The following LSG1 variants were observed in gnomAD, a reference collection of about 807,000 sequenced individuals.
The protein encoded by LSG1 is large subunit GTPase 1 homolog.
LSG1 carries 55 observed loss-of-function variants against 82.6 expected under a neutral mutation model. The ratio of observed to expected loss-of-function variants is 0.67; its 90% CI spans 0.54 to 0.83. LSG1 has a LOEUF of 0.83. LSG1 is among the 40% of genes least tolerant of loss of function. The pLI, the probability that LSG1 is intolerant of heterozygous loss-of-function variation, is 0.00. For synonymous variants in LSG1, 272 were observed against 282.5 expected (o/e 0.96, Z 0.37); for missense variants, 809 against 807.9 (o/e 1.00, Z -0.02).
intron 13 of LSG1, among the ~76,000 whole-genome samples, chr3:194,643,972 C>T (rs1718453004): frequency 6.6e-6 from 1 of 152,124 alleles, no homozygotes; most frequent in Admixed American, 6.5e-5. Flanking sequence ...TGATTCCAGT[C>T]ACGTGAAGTC....
chr3:194,652,552 C>T (rs1718696485), intron 8 of LSG1, among the ~76,000 whole-genome samples, 177 bp downstream of exon 8: 2 of 152,182 alleles, frequency 1.3e-5, no homozygotes, highest in Admixed American at 6.5e-5. Flanking sequence ...AAGTTGATTC[C>T]TTTGAGTTGG....
intron 13 of LSG1, among the ~76,000 whole-genome samples, chr3:194,642,966 T>C (rs2108613719): frequency 6.6e-6 from 1 of 152,370 alleles, no homozygotes; most frequent in African/African-American, 2.4e-5. Flanking sequence ...CCTCAAGGAA[T>C]AATACTTGCT....
intron 7 of LSG1, among the ~76,000 whole-genome samples, chr3:194,655,484 T>G (rs993568725): frequency 2.6e-5 from 4 of 152,178 alleles, no homozygotes; most frequent in African/African-American, 9.7e-5. Flanking sequence ...GGCAAACTAT[T>G]CTTCTGCCTA....
intron 11 of LSG1, 137 bp from the exon 12 acceptor site, chr3:194,646,380 ATTG>A (rs1402430053): frequency 3.7e-5 from 22 of 596,860 alleles, no homozygotes; most frequent in Admixed American, 1.8e-4. Flanking sequence ...TAGAATATAT[ATTG>A]TTTAGCATTA....
At chr3:194,650,677 C>A in intron 10 of LSG1, 1 of 449,140 alleles carries the variant, frequency 2.2e-6, no homozygotes, top group Non-Finnish European at 3.8e-6. Flanking sequence ...AACCTGGATT[C>A]TCCCATTTCT....
chr3:194,666,362 A>C lies in LSG1; in HGVS notation c.348-73T>G, dbSNP rs901051713. The C allele has an allele frequency of 5.0e-6, 8 of 1,599,006 alleles. No homozygotes were observed. In the Admixed American group the frequency reaches 1.2e-4, roughly 24 times the overall value. On this transcript the variant is annotated intron_variant, in intron 3 of 13. Transcript: ENST00000265245. ...ATAAAATAGGTAATTTGGATCTAAT[A>C]ATGGCAGCTGAGAAAAAGAAGCAAT...
intron 1 of LSG1, 89 bp downstream of exon 1, chr3:194,671,975 C>A: frequency 8.1e-7 from 1 of 1,228,656 alleles, no homozygotes; most frequent in Non-Finnish European, 1.2e-6. Flanking sequence ...AGGCGTCCCT[C>A]CTGCAAAACT....
At chr3:194,646,524 A>G in intron 11 of LSG1, 1 of 243,644 alleles carries the variant, frequency 4.1e-6, no homozygotes, top group Non-Finnish European at 8.0e-6. Flanking sequence ...TTTTATTTTT[A>G]TTTTATTTTT....
chr3:194,651,205 AG>A lies in LSG1; in HGVS notation c.1184del (p.Pro395LeufsTer48), dbSNP rs1430150808. ...GQLTVGLVGY[P>X]NVGKSSTINT... ...TGATTGTTGAACTCTTACCAACATT[AG>A]GGTAGCCCACCTAGAAGAGACTCAG... is the stretch of plus-strand genomic sequence containing the variant. On this transcript the variant is annotated frameshift_variant, in exon 9 of 14. Coordinates refer to ENST00000265245, the MANE Select transcript of LSG1 (RefSeq NM_018385.3). LOFTEE classifies it high-confidence loss of function. 4.3e-6 allele frequency: 7 copies of A among 1,613,400 alleles called. No homozygotes were observed. Among genetic ancestry groups the A allele is most frequent in the Non-Finnish European group, 5.1e-6 (6 of 1,179,400 alleles).
rs761071246 is a variant in LSG1, at chr3:194,646,253, GAA to G, written c.1544-12_1544-11del. The stretch of plus-strand genomic sequence containing the variant: ...ATGAATCCTCGCATGTCTGTGGAGA[GAA>G]AAGAATTTTGCAAAATCTTAGATGA... On this transcript the variant is annotated splice_polypyrimidine_tract_variant and intron_variant, in intron 11 of 13. Transcript: ENST00000265245. 12 of 1,612,540 alleles carry G rather than the reference GAA, an allele frequency of 7.4e-6. No individual in the cohort carries two copies. The African/African-American group carries it at 1.5e-4, about 20-fold the overall frequency.
At chr3:194,650,117 G>A (rs990543539) in intron 10 of LSG1, among the ~76,000 whole-genome samples, 8 of 151,972 alleles carry the variant, frequency 5.3e-5, no homozygotes, top group Admixed American at 1.3e-4. Flanking sequence ...ACAGGGTTTC[G>A]CCATGTTGGC....
At chr3:194,664,376 C>A (rs1265909865) in intron 5 of LSG1, among the ~76,000 whole-genome samples, 1 of 152,104 alleles carries the variant, frequency 6.6e-6, no homozygotes, top group Non-Finnish European at 1.5e-5. Flanking sequence ...AAAAAACCAG[C>A]CTGAAGGGTC....
intron 8 of LSG1, chr3:194,651,452 T>C: frequency 1.9e-6 from 1 of 515,794 alleles, no homozygotes; most frequent in Non-Finnish European, 3.5e-6. Flanking sequence ...ATTATATGTT[T>C]TGCTGTTAAC....
At chr3:194,645,551 C>CACAG (rs1560219737) in intron 12 of LSG1, 1 of 48,716 alleles carries the variant, frequency 2.1e-5, no homozygotes, top group African/African-American at 6.8e-5. Context: ...CACACACACA[C>CACAG]ACACACACAC....
intron 10 of LSG1, chr3:194,650,652 G>C (rs1035250057): frequency 5.0e-5 from 21 of 421,198 alleles, no homozygotes; most frequent in African/African-American, 3.4e-4. Flanking sequence ...TTGCAACTTG[G>C]AACTGAGTAT....
chr3:194,661,459 A>G (rs1718925501), intron 5 of LSG1, among the ~76,000 whole-genome samples: 1 of 152,230 alleles, frequency 6.6e-6, no homozygotes, highest in Non-Finnish European at 1.5e-5. Flanking sequence ...TCATGTGCTG[A>G]GTGAGGATGC....
chr3:194,650,831 G>A, intron 10 of LSG1, 50 bp downstream of exon 10: 1 of 1,546,804 alleles, frequency 6.5e-7, no homozygotes, highest in African/African-American at 1.4e-5. Context: ...TAAACCTGAA[G>A]CCCTAATATG....
At position 194,642,075 on chromosome 3, in the gene LSG1, T is replaced by G; in HGVS notation, c.1970A>C (p.Asp657Ala). 1 of 1,612,310 alleles carries G rather than the reference T, an allele frequency of 6.2e-7. No individual in the cohort carries two copies. The highest frequency in any genetic ancestry group is 1.1e-5 in the South Asian group (1 of 91,008). Residue 657 changes from aspartate (D) to alanine (A), a missense_variant, in exon 14 of 14, where the codon GAT (aspartate) becomes GCT (alanine). Coordinates refer to ENST00000265245, the MANE Select transcript of LSG1 (RefSeq NM_018385.3). ...EKSRRLYKHL[D>A]M ...TTCTGTTGCAGCCCAACCTCACATA[T>G]CCAGGTGCTTGTAGAGTCTACGACT...
intron 7 of LSG1, among the ~76,000 whole-genome samples, chr3:194,657,119 G>C (rs2108618869): frequency 6.6e-6 from 1 of 151,082 alleles, no homozygotes; most frequent in Non-Finnish European, 1.5e-5. Context: ...TGCACATTGT[G>C]CACATGTACC....
Sources: gnomAD v4.1 joint callset for allele counts (sites outside exome capture counted in the v4.1 genomes callset) on GRCh38, gnomAD v4.1.1 for gene constraint, MANE v1.5 for transcripts, NCBI Gene and HGNC (gene_info 2026-07-23, HGNC 2026-07-21) for gene names.